The following GUCY1A1 variants were observed in gnomAD, a reference collection of about 807,000 sequenced individuals.
GUCY1A1 encodes the protein guanylate cyclase 1 soluble subunit alpha 1.
GUCY1A1 carries 48 observed loss-of-function variants against 64.5 expected under a neutral mutation model. That is an observed-to-expected ratio of 0.74 (90% CI 0.59 to 0.95). The LOEUF (loss-of-function observed/expected upper bound fraction) is 0.95. Ranked by LOEUF, GUCY1A1 falls within the 40% of genes least tolerant of loss-of-function variation. The pLI, the probability that GUCY1A1 is intolerant of heterozygous loss-of-function variation, is 0.00. For missense variants in GUCY1A1, 804 were observed against 825.3 expected (o/e 0.97, Z 0.32); for synonymous variants, 308 against 303.4 (o/e 1.02, Z -0.16).
chr4:155,704,697 T>C (rs1412931086), intron 4 of GUCY1A1, among the ~76,000 whole-genome samples: 3 of 152,170 alleles, frequency 2.0e-5, no homozygotes, highest in Non-Finnish European at 2.9e-5. Flanking sequence ...CTGAAGAGGC[T>C]TAATATAAAG....
intron 9 of GUCY1A1, 91 bp from the exon 10 acceptor site, chr4:155,729,939 A>G: frequency 1.3e-6 from 1 of 771,390 alleles, no homozygotes; most frequent in Non-Finnish European, 2.2e-6. Flanking sequence ...ACTGGTTTAT[A>G]AATATTCTCA....
rs961574926 is a variant in GUCY1A1, at chr4:155,733,667, G to GAA, written c.*3447_*3448dup. Among the ~76,000 whole-genome samples, 1 of 131,808 alleles carries GAA rather than the reference G, an allele frequency of 7.6e-6. No homozygotes were observed. The highest frequency in any genetic ancestry group is 2.4e-4 in the South Asian group (1 of 4,138). 86.5% of individuals were successfully genotyped at this position (131,808 alleles called of 152,430 possible). A position where few individuals can be genotyped will look rare whatever the true frequency, so the allele number is the denominator to read the frequency against. ...CTTGTTCAAAATAGATTTTACAAAA[G>GAA]AAAAAAAAAAAAGAAGCAACATGAG... On this transcript the variant is annotated 3_prime_UTR_variant, in exon 10 of 10. Transcript: ENST00000506455.
At position 155,730,289 on chromosome 4, in the gene GUCY1A1, C is replaced by T; in HGVS notation, c.*58C>T. On this transcript the variant is annotated 3_prime_UTR_variant, in exon 10 of 10. Transcript: ENST00000506455. The stretch of plus-strand genomic sequence containing the variant: ...TTTGACTCATTGAAGATGTGTAGAG[C>T]CTCTGAAAGCACTTTAGGGATTGTA... 9.4e-7 allele frequency: 1 copy of T among 1,065,546 alleles called. No homozygotes were observed. The highest frequency in any genetic ancestry group is 1.4e-6 in the Non-Finnish European group (1 of 694,622). The allele number at this position is 1,065,546 out of a possible 1,614,324, so 66.0% of individuals were successfully genotyped here.
chr4:155,702,879 G>GA (rs1449649917), intron 3 of GUCY1A1, among the ~76,000 whole-genome samples: 2 of 151,658 alleles, frequency 1.3e-5, no homozygotes, highest in Non-Finnish European at 2.9e-5. Flanking sequence ...AGTTTTTAAG[G>GA]AAAAAGGAAT....
chr4:155,708,855 G>A (rs973850148), intron 5 of GUCY1A1, among the ~76,000 whole-genome samples: 11 of 151,984 alleles, frequency 7.2e-5, no homozygotes, highest in Non-Finnish European at 1.0e-4. Context: ...CTGAATATAA[G>A]CCCCACAACA....
intron 2 of GUCY1A1, among the ~76,000 whole-genome samples, chr4:155,677,077 T>G (rs1162157217): frequency 6.8e-6 from 1 of 146,844 alleles, no homozygotes; most frequent in Non-Finnish European, 1.5e-5. Flanking sequence ...GATTGGATTG[T>G]TTTTATTTCT....
intron 2 of GUCY1A1, among the ~76,000 whole-genome samples, chr4:155,669,311 A>G (rs1210808378): frequency 6.6e-6 from 1 of 152,036 alleles, no homozygotes; most frequent in Non-Finnish European, 1.5e-5. Flanking sequence ...AATAAAAATT[A>G]TATTTTTGTC....
chr4:155,717,604 T>C (rs1404320025), intron 8 of GUCY1A1, among the ~76,000 whole-genome samples: 1 of 152,174 alleles, frequency 6.6e-6, no homozygotes, highest in Non-Finnish European at 1.5e-5. Flanking sequence ...AAAGGCAAAC[T>C]TCAGAACAAC....
At chr4:155,694,896 TG>T (rs1316876105) in intron 2 of GUCY1A1, among the ~76,000 whole-genome samples, 1 of 152,196 alleles carries the variant, frequency 6.6e-6, no homozygotes, top group Non-Finnish European at 1.5e-5. Flanking sequence ...AAAACAAATG[TG>T]GGTAAAATTA....
intron 2 of GUCY1A1, among the ~76,000 whole-genome samples, chr4:155,675,564 T>A (rs994990734): frequency 2.0e-5 from 3 of 151,594 alleles, no homozygotes; most frequent in Non-Finnish European, 4.4e-5. Context: ...AGTCACTAAT[T>A]GTAAGTCATA....
intron 3 of GUCY1A1, among the ~76,000 whole-genome samples, chr4:155,698,847 C>T (rs928838306): frequency 1.3e-5 from 2 of 152,090 alleles, no homozygotes; most frequent in Non-Finnish European, 2.9e-5. Flanking sequence ...TAATGCTTTC[C>T]ATTGAGTTTT....
chr4:155,670,343 A>G (rs531202402), intron 2 of GUCY1A1, among the ~76,000 whole-genome samples: 1 of 152,230 alleles, frequency 6.6e-6, no homozygotes, highest in Non-Finnish European at 1.5e-5. Flanking sequence ...TTGGGTGTCT[A>G]CATCTTGACT....
chr4:155,679,936 C>T (rs1383202188), intron 2 of GUCY1A1, among the ~76,000 whole-genome samples: 1 of 152,194 alleles, frequency 6.6e-6, no homozygotes, highest in Non-Finnish European at 1.5e-5. Context: ...CCCTTTCAAA[C>T]TGATACCTCA....
chr4:155,675,773 C>T (rs1734820231), intron 2 of GUCY1A1, among the ~76,000 whole-genome samples: 1 of 151,494 alleles, frequency 6.6e-6, no homozygotes, highest in African/African-American at 2.5e-5. Context: ...AACAAATTAT[C>T]CTAATTAAAG....
At chr4:155,689,333 T>G (rs1268420076) in intron 2 of GUCY1A1, among the ~76,000 whole-genome samples, 1 of 152,132 alleles carries the variant, frequency 6.6e-6, no homozygotes, top group African/African-American at 2.4e-5. Flanking sequence ...TGCAAGAAAT[T>G]GTTTTATATA....
At chr4:155,714,451 A>G (rs190317356) in intron 7 of GUCY1A1, among the ~76,000 whole-genome samples, 10 of 152,330 alleles carry the variant, frequency 6.6e-5, no homozygotes, top group African/African-American at 2.4e-4. Context: ...TTTAAACGTA[A>G]CTACTATTAG....
rs376624635 is a variant in GUCY1A1 at position 155,713,473 on chromosome 4, G to A, written c.1462G>A (p.Val488Ile). Residue 488 changes from valine to isoleucine, a missense_variant, in exon 7 of 10, where the codon GTT becomes ATT. Physicochemically the swap from Val to Ile is conservative, Grantham distance 29. Coordinates refer to ENST00000506455, the MANE Select transcript of GUCY1A1 (RefSeq NM_001130682.3). ...SNVTMLFSDI[V>I]GFTAICSQCS... is the part of the protein sequence containing the mutation. ...TGTCACCATGCTCTTCTCAGACATC[G>A]TTGGGTTCACTGCCATCTGCTCCCA... The A allele has an allele frequency of 1.4e-5, 22 of 1,614,052 alleles. No individual in the cohort carries two copies. Among genetic ancestry groups the A allele is most frequent in the African/African-American group, 6.7e-5 (5 of 74,926 alleles).
intron 2 of GUCY1A1, among the ~76,000 whole-genome samples, chr4:155,669,466 A>G (rs1733822748): frequency 1.3e-5 from 2 of 151,948 alleles, no homozygotes; most frequent in Admixed American, 1.3e-4. Flanking sequence ...TCATTCGGAG[A>G]ATGAGGAAGG....
chr4:155,730,353 T>A lies in GUCY1A1; in HGVS notation c.*122T>A, dbSNP rs1735394233. ...CAGTATTAAAATTTCAGGAGCCAAG[T>A]CACAATCTTTCTCCTGTTTAACATG... is the stretch of plus-strand genomic sequence containing the variant. On this transcript the variant is annotated 3_prime_UTR_variant, in exon 10 of 10. Transcript: ENST00000506455. The A allele has an allele frequency of 1.7e-6, 1 of 580,228 alleles. No homozygotes were observed. Among genetic ancestry groups the A allele is most frequent in the African/African-American group, 1.9e-5 (1 of 52,348 alleles). 35.9% of individuals were successfully genotyped at this position (580,228 alleles called of 1,614,324 possible). A position where few individuals can be genotyped will look rare whatever the true frequency, so the allele number is the denominator to read the frequency against.
Sources: gnomAD v4.1 joint callset for allele counts (sites outside exome capture counted in the v4.1 genomes callset) on GRCh38, gnomAD v4.1.1 for gene constraint, MANE v1.5 for transcripts, NCBI Gene and HGNC (gene_info 2026-07-23, HGNC 2026-07-21) for gene names.